RPS2: variants seen among roughly 807,000 people sequenced by gnomAD.
RPS2 encodes the protein ribosomal protein S2.
RPS2 carries 8 observed loss-of-function variants against 25.3 expected under a neutral mutation model. The observed-to-expected ratio is 0.32, with a 90% CI of 0.19 to 0.57. RPS2 has a LOEUF of 0.57. Ranked by LOEUF, RPS2 falls within the 20% of genes least tolerant of loss-of-function variation. RPS2 has a pLI of 0.90. For synonymous variants in RPS2, 181 were observed against 161.3 expected (o/e 1.12, Z -0.92); for missense variants, 229 against 408.1 (o/e 0.56, Z 3.78).
In RPS2 at chr16:1,962,829, A is replaced by T; in HGVS notation, c.456T>A (p.Arg152=). The T allele has an allele frequency of 1.9e-6, 3 of 1,607,486 alleles. No individual in the cohort carries two copies. The highest frequency in any genetic ancestry group is 2.5e-6 in the Non-Finnish European group (3 of 1,178,450). Residue 152 remains arginine (R), a synonymous_variant, in exon 5 of 7, where the codon CGT becomes CGA. Transcript: ENST00000343262. ...AGAGCTTGGCCAGGATGATGGCCCC[A>T]CGGATGGCGGTGGCCACCTCCTTGG... The part of the protein sequence containing the change: ...KCSKEVATAI[R]GAIILAKLSI...
chr16:1,963,863 A>C, intron 3 of RPS2: 1 of 442,072 alleles, frequency 2.3e-6, no homozygotes. Context: ...TCACATGACA[A>C]ATATGCCATT....
At chr16:1,964,662 T>C in intron 1 of RPS2, 34 bp from the exon 2 acceptor site, 1 of 1,155,112 alleles carries the variant, frequency 8.7e-7, no homozygotes, top group Non-Finnish European at 1.2e-6. Flanking sequence ...CTAGTCAGTG[T>C]GGCCTACGCA....
chr16:1,964,065 T>C (rs940349147), intron 3 of RPS2: 20 of 583,390 alleles, frequency 3.4e-5, no homozygotes, highest in Middle Eastern at 4.3e-4. Context: ...GAAGATGCGC[T>C]GAAATGCCTT....
Position 1,962,911 on chromosome 16 carries a change from T to C in RPS2, c.376-2A>G. ...GTAGTCCCCGATAGCAACAAATGCC[T>C]GCGAAAAGATGTGTGTGAGGCAGCT... On this transcript the variant is annotated splice_acceptor_variant, in intron 4 of 6. Transcript: ENST00000343262. LOFTEE classifies it high-confidence loss of function. 6.3e-7 allele frequency: 1 copy of C among 1,598,456 alleles called. No homozygotes were observed. Among genetic ancestry groups the C allele is most frequent in the Non-Finnish European group, 8.5e-7 (1 of 1,177,682 alleles).
Position 1,964,256 on chromosome 16 carries a change from C to T in RPS2, c.267+20G>A. The T allele has an allele frequency of 1.3e-6, 2 of 1,594,158 alleles. No individual in the cohort carries two copies. Among genetic ancestry groups the T allele is most frequent in the Non-Finnish European group, 1.7e-6 (2 of 1,162,980 alleles). On this transcript the variant is annotated intron_variant, in intron 3 of 6. Transcript: ENST00000343262. ...ACTCCGGGGTCGCACTTGCTCAACGCCCCAACGACCGACGCGTACCTTAAT... is the reference window on the plus strand; with the variant it reads ...ACTCCGGGGTCGCACTTGCTCAACGTCCCAACGACCGACGCGTACCTTAAT...
chr16:1,964,826 G>A lies in RPS2; in HGVS notation c.-23C>T, dbSNP rs959836831. ...ACTCACGTGTTTTGTCGGAAAAGAA[G>A]AACGAGACCTACTGGGAAGCAGCTT... On this transcript the variant is annotated 5_prime_UTR_variant, in exon 1 of 7. Coordinates refer to ENST00000343262, the MANE Select transcript of RPS2 (RefSeq NM_002952.4). The A allele has an allele frequency of 4.3e-5, 23 of 537,644 alleles. No individual in the cohort carries two copies. The highest frequency in any genetic ancestry group is 5.2e-5 in the Non-Finnish European group (16 of 309,616). The allele number at this position is 537,644 out of a possible 1,614,324, so 33.3% of individuals were successfully genotyped here.
At chr16:1,963,935 A>AC in intron 3 of RPS2, 1 of 398,888 alleles carries the variant, frequency 2.5e-6, no homozygotes, top group Admixed American at 3.5e-5. Context: ...GCGGACTATG[A>AC]CAGTTTGCTA....
At position 1,962,191 on chromosome 16, in the gene RPS2, C is replaced by G; in HGVS notation, c.789G>C (p.Lys263Asn). ...GGTCAGTGAACTCCTGATAGGGAGACTTGGTGAATACAGTCTCCTTCCAGA... is the reference window on the plus strand; with the variant it reads ...GGTCAGTGAACTCCTGATAGGGAGAGTTGGTGAATACAGTCTCCTTCCAGA... Reference protein sequence around the residue: ...PDLWKETVFTKSPYQEFTDHL... With the variant: ...PDLWKETVFTNSPYQEFTDHL... Residue 263 changes from lysine to asparagine, a missense_variant, in exon 7 of 7, where the codon AAG becomes AAC. Lys to Asn is a moderately conservative substitution (Grantham distance 94, BLOSUM62 0). Around this residue, in one of 7 missense-constraint regions of RPS2, gnomAD observed 79 missense variants for 159.0 expected, o/e 0.50. Transcript: ENST00000343262. The G allele has an allele frequency of 6.2e-7, 1 of 1,604,196 alleles. No individual in the cohort carries two copies. Among genetic ancestry groups the G allele is most frequent in the Non-Finnish European group, 8.5e-7 (1 of 1,178,306 alleles).
At position 1,962,249 on chromosome 16, in the gene RPS2, A is replaced by G. The variant is rs2083262877; in HGVS notation, c.731T>C (p.Ile244Thr). Reference sequence around the variant, plus strand: ...GGTCAGGTAGCTGTAGGTCTTAGAAATGGCATCAAAGGTGGCCTTGGCTGC... The same window carrying G: ...GGTCAGGTAGCTGTAGGTCTTAGAAGTGGCATCAAAGGTGGCCTTGGCTGC... ...GNFAKATFDA[I>T]SKTYSYLTPD... Residue 244 changes from isoleucine (I) to threonine (T), a missense_variant, in exon 7 of 7, where the codon ATT becomes ACT. Ile to Thr is a moderately conservative substitution (Grantham distance 89, BLOSUM62 -1). This residue lies in a region of RPS2 where 79 missense variants were observed against 159.0 expected (regional missense o/e 0.50). Coordinates refer to ENST00000343262, the MANE Select transcript of RPS2 (RefSeq NM_002952.4). The G allele has an allele frequency of 6.2e-7, 1 of 1,613,200 alleles. No individual in the cohort carries two copies. Among genetic ancestry groups the G allele is most frequent in the East Asian group, 2.2e-5 (1 of 44,878 alleles).
intron 3 of RPS2, chr16:1,963,645 C>A (rs2083278810): frequency 2.9e-6 from 1 of 344,612 alleles, no homozygotes; most frequent in Middle Eastern, 1.0e-3. Flanking sequence ...AGTCATGAAC[C>A]CCCTCACCTG....
chr16:1,962,944 C>G (rs2083269907), intron 4 of RPS2, 35 bp from the exon 5 acceptor site: 1 of 1,595,762 alleles, frequency 6.3e-7, no homozygotes, highest in African/African-American at 1.3e-5. Flanking sequence ...GCTGGTGGCC[C>G]TACACCCAAT....
intron 3 of RPS2, 73 bp downstream of exon 3, chr16:1,964,203 T>TG: frequency 8.9e-7 from 1 of 1,119,478 alleles, no homozygotes; most frequent in Non-Finnish European, 1.4e-6. Context: ...CAATGGCAGA[T>TG]GCTAATCCTC....
Position 1,964,434 on chromosome 16 carries a change from G to T in RPS2, c.177+15C>A, listed in dbSNP as rs572273396. On this transcript the variant is annotated intron_variant, in intron 2 of 6. Transcript: ENST00000343262. Reference sequence around the variant, plus strand: ...GCCGCCCAGGGGCCCGACCCCGAGCGTGGCTGATACCTACCTCCTTATCCT... The same window carrying T: ...GCCGCCCAGGGGCCCGACCCCGAGCTTGGCTGATACCTACCTCCTTATCCT... The T allele has an allele frequency of 2.1e-4, 337 of 1,612,412 alleles. No individual in the cohort carries two copies. The South Asian group carries it at 3.4e-3, about 16-fold the overall frequency.
intron 3 of RPS2, chr16:1,963,919 G>C: frequency 2.5e-6 from 1 of 394,878 alleles, no homozygotes; most frequent in South Asian, 1.9e-5. Context: ...CAGCTGTCCC[G>C]TACACGCGGA....
chr16:1,964,272 G>GT lies in RPS2; in HGVS notation c.267+3dup. 6.2e-7 allele frequency: 1 copy of GT among 1,609,122 alleles called. No homozygotes were observed. The highest frequency in any genetic ancestry group is 1.1e-5 in the South Asian group (1 of 90,948). ...TGCTCAACGCCCCAACGACCGACGC[G>GT]TACCTTAATAGGCAGGGAGAAGAGA... On this transcript the variant is annotated splice_donor_region_variant and intron_variant, in intron 3 of 6. Coordinates refer to ENST00000343262, the MANE Select transcript of RPS2 (RefSeq NM_002952.4).
At chr16:1,964,416 A>T in intron 2 of RPS2, 33 bp downstream of exon 2, 2 of 1,612,792 alleles carry the variant, frequency 1.2e-6, no homozygotes, top group African/African-American at 1.3e-5. Context: ...GGCGCCGCCC[A>T]GGGGCCCGAC....
In RPS2 at chr16:1,962,546, A is replaced by T. The variant is rs145914766; in HGVS notation, c.660T>A (p.Asp220Glu). 2.2e-5 allele frequency: 35 copies of T among 1,611,712 alleles called. No individual in the cohort carries two copies. The African/African-American group carries it at 3.9e-4, about 18-fold the overall frequency. The part of the protein sequence containing the change: ...PKKLLMMAGI[D>E]DCYTSARGCT... Reference sequence around the variant, plus strand: ...AGCCCCGGGCTGAGGTGTAGCAGTCATCGATACCAGCCATCATGAGCAGCT... The same window carrying T: ...AGCCCCGGGCTGAGGTGTAGCAGTCTTCGATACCAGCCATCATGAGCAGCT... Residue 220 changes from aspartate (D) to glutamate (E), a missense_variant, in exon 6 of 7, where the codon GAT becomes GAA. Transcript: ENST00000343262.
At position 1,962,088 on chromosome 16, in the gene RPS2, T is replaced by C; in HGVS notation, c.*10A>G. The stretch of plus-strand genomic sequence containing the variant: ...CGCTTAATTCACTTTATTTTTCTTG[T>C]ATAAAAACCCTATGTTGTAGCCACA... On this transcript the variant is annotated 3_prime_UTR_variant, in exon 7 of 7. Coordinates refer to ENST00000343262, the MANE Select transcript of RPS2 (RefSeq NM_002952.4). 2 of 1,541,460 alleles carry C rather than the reference T, an allele frequency of 1.3e-6. No homozygotes were observed. The highest frequency in any genetic ancestry group is 2.1e-5 in the Admixed American group (1 of 48,540).
In RPS2 at chr16:1,963,137, A is replaced by G. The variant is rs2083272791; in HGVS notation, c.375+12T>C. On this transcript the variant is annotated intron_variant, in intron 4 of 6. Transcript: ENST00000343262. ...CAAGCCCAGCGCAGCCCCCTCCAGGACAGCCGGGTACCTTGAACCTGGTGC... is the reference window on the plus strand; with the variant it reads ...CAAGCCCAGCGCAGCCCCCTCCAGGGCAGCCGGGTACCTTGAACCTGGTGC... 7 of 1,602,244 alleles carry G rather than the reference A, an allele frequency of 4.4e-6. No individual in the cohort carries two copies. Among genetic ancestry groups the G allele is most frequent in the Non-Finnish European group, 6.0e-6 (7 of 1,170,694 alleles).
Sources: allele counts gnomAD v4.1 joint callset, GRCh38; gene constraint gnomAD v4.1.1; regional missense constraint gnomAD v4.1.1; transcripts MANE v1.5; gene names NCBI Gene and HGNC (gene_info 2026-07-23, HGNC 2026-07-21).